The following TTLL5 variants were observed in gnomAD, a reference collection of about 807,000 sequenced individuals.
TTLL5 encodes the protein tubulin polyglutamylase TTLL5.
Under a neutral mutation model 168.4 loss-of-function variants are expected in TTLL5, and 132 were observed. The observed-to-expected ratio is 0.78, with a 90% confidence interval of 0.68 to 0.91. The LOEUF is 0.91. Ranked by LOEUF, TTLL5 falls within the 40% of genes least tolerant of loss-of-function variation. The probability of loss-of-function intolerance (pLI) is 0.00; values close to 1 mark genes in which losing one functional copy is unlikely to be tolerated. For missense variants in TTLL5, 1,545 were observed against 1,581.5 expected (o/e 0.98, Z 0.39); for synonymous variants, 546 against 558.6 (o/e 0.98, Z 0.32).
intron 12 of TTLL5, among the ~76,000 whole-genome samples, chr14:75,730,057 T>C (rs1471560644): frequency 6.6e-6 from 1 of 152,198 alleles, no homozygotes; most frequent in Non-Finnish European, 1.5e-5. Flanking sequence ...TTTCACCCTG[T>C]TCTTCTTACT....
intron 28 of TTLL5, among the ~76,000 whole-genome samples, chr14:75,862,403 A>C (rs2139939880): frequency 6.6e-6 from 1 of 152,300 alleles, no homozygotes; most frequent in South Asian, 2.1e-4. Context: ...GGAACCCCTA[A>C]AGTGTTTTCC....
At chr14:75,861,017 G>C (rs2029937543) in intron 28 of TTLL5, among the ~76,000 whole-genome samples, 1 of 152,116 alleles carries the variant, frequency 6.6e-6, no homozygotes, top group Non-Finnish European at 1.5e-5. Context: ...GAAGTCTCTT[G>C]GGAAAGATCA....
intron 5 of TTLL5, among the ~76,000 whole-genome samples, chr14:75,686,446 A>G (rs1342547390): frequency 1.3e-5 from 2 of 152,174 alleles, no homozygotes; most frequent in Non-Finnish European, 2.9e-5. Context: ...CTTGGGTCCC[A>G]TCTGGAAGGG....
At chr14:75,701,537 C>A (rs1316430182) in intron 7 of TTLL5, among the ~76,000 whole-genome samples, 1 of 152,176 alleles carries the variant, frequency 6.6e-6, no homozygotes. Flanking sequence ...AGAAGCACTC[C>A]CCTTCCACCT....
At chr14:75,739,295 T>C (rs574488458) in intron 15 of TTLL5, among the ~76,000 whole-genome samples, 2 of 152,324 alleles carry the variant, frequency 1.3e-5, no homozygotes, top group Admixed American at 6.5e-5. Flanking sequence ...GCCAGCTTTA[T>C]ACATGTTGAA....
intron 2 of TTLL5, among the ~76,000 whole-genome samples, chr14:75,668,256 A>G (rs1048766363): frequency 6.6e-6 from 1 of 152,220 alleles, no homozygotes; most frequent in Non-Finnish European, 1.5e-5. Flanking sequence ...AATATATACA[A>G]CTTTGCTGAA....
intron 30 of TTLL5, among the ~76,000 whole-genome samples, chr14:75,898,991 A>G (rs897756327): frequency 1.3e-5 from 2 of 152,246 alleles, no homozygotes; most frequent in South Asian, 2.1e-4. Context: ...GTTGGAGTCA[A>G]TGAGTCATTC....
chr14:75,696,223 A>G (rs1885854609), intron 6 of TTLL5, among the ~76,000 whole-genome samples: 1 of 152,024 alleles, frequency 6.6e-6, no homozygotes, highest in Non-Finnish European at 1.5e-5. Context: ...ATTTCTGTAG[A>G]ACCTTGTACT....
intron 30 of TTLL5, among the ~76,000 whole-genome samples, chr14:75,895,383 G>C (rs1363955003): frequency 6.6e-6 from 1 of 152,106 alleles, no homozygotes; most frequent in African/African-American, 2.4e-5. Context: ...TGGTATTCGA[G>C]TATATGTGGA....
chr14:75,712,085 C>T (rs372215982), intron 9 of TTLL5: 10 of 152,112 alleles, frequency 6.6e-5, no homozygotes, highest in African/African-American at 2.2e-4. Flanking sequence ...GCTGGTAATC[C>T]CCTCCCAGAC....
chr14:75,783,907 A>G (rs952023202), intron 26 of TTLL5, among the ~76,000 whole-genome samples: 5 of 152,220 alleles, frequency 3.3e-5, no homozygotes, highest in African/African-American at 7.2e-5. Flanking sequence ...TTAGGCAAGA[A>G]TGACCTGAAT....
chr14:75,767,744 C>T (rs995319131), intron 20 of TTLL5, among the ~76,000 whole-genome samples: 1 of 152,182 alleles, frequency 6.6e-6, no homozygotes, highest in African/African-American at 2.4e-5. Flanking sequence ...GAAAGTAAAT[C>T]GTGCTTGCAT....
intron 31 of TTLL5, chr14:75,902,543 G>GT: frequency 2.0e-6 from 1 of 511,672 alleles, no homozygotes; most frequent in Non-Finnish European, 3.8e-6. Flanking sequence ...TCCGCATGTT[G>GT]TATCTCTCAC....
intron 9 of TTLL5, among the ~76,000 whole-genome samples, chr14:75,713,706 G>A (rs1444356102): frequency 2.0e-5 from 3 of 152,182 alleles, no homozygotes; most frequent in Non-Finnish European, 4.4e-5. Flanking sequence ...GGAGAATGGA[G>A]AGTACATGTC....
chr14:75,920,940 CGTT>C (rs1423689933), intron 31 of TTLL5, among the ~76,000 whole-genome samples: 2 of 152,148 alleles, frequency 1.3e-5, no homozygotes, highest in Admixed American at 6.5e-5. Context: ...GATGGTATCT[CGTT>C]GTGGTTTTGG....
At chr14:75,850,572 T>C (rs1007565377) in intron 28 of TTLL5, among the ~76,000 whole-genome samples, 3 of 152,112 alleles carry the variant, frequency 2.0e-5, no homozygotes, top group South Asian at 2.1e-4. Context: ...TAGTATATGC[T>C]AGGCACTTAG....
chr14:75,858,251 T>C (rs1460372396), intron 28 of TTLL5, among the ~76,000 whole-genome samples: 3 of 152,222 alleles, frequency 2.0e-5, no homozygotes, highest in Non-Finnish European at 4.4e-5. Flanking sequence ...TGGTGGGTTT[T>C]GTAAAACTGC....
intron 31 of TTLL5, among the ~76,000 whole-genome samples, chr14:75,914,033 A>AAAAAAATATATAT: frequency 7.0e-5 from 5 of 71,098 alleles, no homozygotes; most frequent in African/African-American, 1.5e-4. Flanking sequence ...AAAAAAAAAA[A>AAAAAAATATATAT]ATATATATAT....
At chr14:75,898,016 T>C (rs1361993295) in intron 30 of TTLL5, among the ~76,000 whole-genome samples, 1 of 152,200 alleles carries the variant, frequency 6.6e-6, no homozygotes, top group East Asian at 1.9e-4. Flanking sequence ...TGGCACCTTT[T>C]GTCCCATCTT....
Sources: gnomAD v4.1 joint callset for allele counts (sites outside exome capture counted in the v4.1 genomes callset) on GRCh38, gnomAD v4.1.1 for gene constraint, MANE v1.5 for transcripts, NCBI Gene and HGNC (gene_info 2026-07-23, HGNC 2026-07-21) for gene names.